Variants in PICALM observed in about 807,000 individuals in gnomAD.
PICALM encodes phosphatidylinositol binding clathrin assembly protein, also known as phosphatidylinositol-binding clathrin assembly protein.
PICALM carries 40 observed loss-of-function variants against 80.5 expected under a neutral mutation model. The ratio of observed to expected loss-of-function variants is 0.50; its 90% CI spans 0.39 to 0.65. The LOEUF is 0.65. Among genes scored for constraint, PICALM ranks in the 30% least tolerant of loss-of-function variants. The pLI is 0.00. For missense variants in PICALM, 676 were observed against 778.9 expected (o/e 0.87, Z 1.57); for synonymous variants, 288 against 260.3 (o/e 1.11, Z -1.02).
intron 11 of PICALM, among the ~76,000 whole-genome samples, chr11:85,997,618 G>A (rs190267562): frequency 1.9e-4 from 29 of 152,010 alleles, no homozygotes; most frequent in Admixed American, 5.2e-4. Context: ...CTACAGGTGC[G>A]CAGCACCGCA....
rs142220950 is a variant in PICALM, at chr11:85,970,804, C to A, written c.1944+3904G>T. Among the ~76,000 whole-genome samples, 131 of 152,236 alleles carry A rather than the reference C, an allele frequency of 8.6e-4. 2 individuals carry two copies. Among genetic ancestry groups the A allele is most frequent in the African/African-American group, 3.0e-3 (123 of 41,542 alleles). ...GGGGACAGAGTGAGACTCCATTACC[C>A]ACACACAAAAAAGATTCACCTCCCT... is the stretch of plus-strand genomic sequence containing the variant. On this transcript the variant is annotated intron_variant, in intron 19 of 19. Coordinates refer to ENST00000393346, the MANE Select transcript of PICALM (RefSeq NM_007166.4).
At chr11:85,966,130 T>C (rs1369277390) in intron 19 of PICALM, among the ~76,000 whole-genome samples, 1 of 151,962 alleles carries the variant, frequency 6.6e-6, no homozygotes, top group Non-Finnish European at 1.5e-5. Flanking sequence ...GCATTACGCA[T>C]TTTGTTTTAG....
chr11:86,038,007 G>A (rs910878617), intron 1 of PICALM, among the ~76,000 whole-genome samples: 1 of 152,192 alleles, frequency 6.6e-6, no homozygotes, highest in Non-Finnish European at 1.5e-5. Context: ...AAGGATGTGA[G>A]GAAGAGGTGG....
Position 86,001,101 on chromosome 11 carries a change from G to A in PICALM, c.951C>T (p.Thr317=), listed in dbSNP as rs780604765. The part of the protein sequence containing the change: ...SSLASTGLSL[T]KVDEREKQAA... ...CCTGCTTTTCCCTTTCATCCACTTT[G>A]GTCAGAGATAGACCAGTGCTTGCCA... Residue 317 remains threonine, a synonymous_variant, in exon 10 of 20, where the codon ACC becomes ACT. Transcript: ENST00000393346. The A allele has an allele frequency of 3.1e-6, 5 of 1,613,996 alleles. No homozygotes were observed. Among genetic ancestry groups the A allele is most frequent in the Non-Finnish European group, 2.5e-6 (3 of 1,179,906 alleles).
intron 1 of PICALM, among the ~76,000 whole-genome samples, chr11:86,052,775 TAA>T (rs2096210736): frequency 6.6e-6 from 1 of 152,166 alleles, no homozygotes; most frequent in African/African-American, 2.4e-5. Context: ...GTCATATAAT[TAA>T]AAGTCATACT....
intron 18 of PICALM, 137 bp downstream of exon 18, chr11:85,976,486 C>T: frequency 1.7e-6 from 1 of 575,970 alleles, no homozygotes; most frequent in Non-Finnish European, 3.2e-6. Flanking sequence ...GAAACCAATG[C>T]TATGGTTCTA....
intron 1 of PICALM, among the ~76,000 whole-genome samples, chr11:86,067,768 C>T (rs1593596031): frequency 9.6e-6 from 1 of 104,020 alleles, no homozygotes; most frequent in South Asian, 3.5e-4. Flanking sequence ...TTAACAGTTC[C>T]AGGAACTGAT....
intron 1 of PICALM, among the ~76,000 whole-genome samples, chr11:86,038,254 A>G (rs1318759601): frequency 1.3e-5 from 2 of 152,028 alleles, no homozygotes; most frequent in Non-Finnish European, 2.9e-5. Context: ...CAGGAGGCGG[A>G]GGTAAAAGGA....
At chr11:86,013,486 AACAC>A (rs377407936) in intron 5 of PICALM, among the ~76,000 whole-genome samples, 3 of 151,538 alleles carry the variant, frequency 2.0e-5, no homozygotes, top group Non-Finnish European at 4.4e-5. Flanking sequence ...TACAAATAGA[AACAC>A]ACACACACAC....
intron 1 of PICALM, among the ~76,000 whole-genome samples, chr11:86,052,516 T>G (rs2096206619): frequency 6.6e-6 from 1 of 152,238 alleles, no homozygotes; most frequent in Non-Finnish European, 1.5e-5. Context: ...TCTTCAATGA[T>G]TCCTGTGCAA....
intron 19 of PICALM, among the ~76,000 whole-genome samples, chr11:85,964,204 A>C (rs976891264): frequency 3.7e-4 from 57 of 152,172 alleles, no homozygotes; most frequent in Non-Finnish European, 2.4e-4. Context: ...GATATTTAGG[A>C]AAAAACTTGT....
intron 1 of PICALM, among the ~76,000 whole-genome samples, chr11:86,055,027 T>G (rs1004763134): frequency 6.6e-6 from 1 of 152,146 alleles, no homozygotes; most frequent in East Asian, 1.9e-4. Flanking sequence ...GGCAAAAATC[T>G]ACCTTTAAAA....
intron 8 of PICALM, among the ~76,000 whole-genome samples, chr11:86,006,501 G>T (rs1195250323): frequency 6.6e-6 from 1 of 152,122 alleles, no homozygotes; most frequent in Non-Finnish European, 1.5e-5. Flanking sequence ...ACGAAAATTA[G>T]CTGGGCGTGG....
intron 13 of PICALM, among the ~76,000 whole-genome samples, chr11:85,984,994 A>G (rs888299145): frequency 6.6e-6 from 1 of 152,202 alleles, no homozygotes; most frequent in African/African-American, 2.4e-5. Flanking sequence ...GAATGTCATA[A>G]GGCTCCTAAG....
rs189970047 is a variant in PICALM at position 85,992,063 on chromosome 11, T to C, written c.1259-1664A>G. Reference sequence around the variant, plus strand: ...GATGCTATGATACCAACGCTAGTCTTGAACACCTGCCTGGACTCAAGCAAT... The same window carrying C: ...GATGCTATGATACCAACGCTAGTCTCGAACACCTGCCTGGACTCAAGCAAT... On this transcript the variant is annotated intron_variant, in intron 12 of 19. Coordinates refer to ENST00000393346, the MANE Select transcript of PICALM (RefSeq NM_007166.4). Among the ~76,000 whole-genome samples, 65 of 152,226 alleles carry C rather than the reference T, an allele frequency of 4.3e-4. No individual in the cohort carries two copies. The Middle Eastern group carries it at 0.014, about 32-fold the overall frequency.
chr11:85,997,830 T>C (rs1191162401), intron 11 of PICALM, among the ~76,000 whole-genome samples: 1 of 152,108 alleles, frequency 6.6e-6, no homozygotes, highest in Non-Finnish European at 1.5e-5. Context: ...TTGTCCAGGC[T>C]GGAGTGCAGT....
rs368682557 is a variant in PICALM, at chr11:86,012,397, G to A, written c.547-5C>T. ...TGTAAGTTCATTGCTATTAACCTAG[G>A]GAAAAATTGGAAAATAAAATTAGCT... On this transcript the variant is annotated splice_region_variant and splice_polypyrimidine_tract_variant and intron_variant, in intron 5 of 19. Transcript: ENST00000393346. 560 of 1,478,376 alleles carry A rather than the reference G, an allele frequency of 3.8e-4. No homozygotes were observed. Among genetic ancestry groups the A allele is most frequent in the Non-Finnish European group, 4.9e-4 (522 of 1,063,540 alleles). 91.6% of individuals were successfully genotyped at this position (1,478,376 alleles called of 1,614,324 possible).
At position 86,037,259 on chromosome 11, in the gene PICALM, A is replaced by T. The variant is rs868294837; in HGVS notation, c.131-5648T>A. On this transcript the variant is annotated intron_variant, in intron 1 of 19. Coordinates refer to ENST00000393346, the MANE Select transcript of PICALM (RefSeq NM_007166.4). ...CACACCCAGCCAAAAAAAAAAGAAAATTTTTTTTTTTTTTTTTTGAGACGG... is the reference window on the plus strand; with the variant it reads ...CACACCCAGCCAAAAAAAAAAGAAATTTTTTTTTTTTTTTTTTTGAGACGG... 1.5e-3 allele frequency among the ~76,000 whole-genome samples: 154 copies of T among 106,030 alleles called. 8 individuals are homozygous for T. The highest frequency in any genetic ancestry group is 4.3e-3 in the African/African-American group (107 of 24,956). The allele number at this position is 106,030 out of a possible 152,430, so 69.6% of individuals were successfully genotyped here.
intron 1 of PICALM, among the ~76,000 whole-genome samples, chr11:86,052,980 T>C (rs547744049): frequency 3.9e-5 from 6 of 152,344 alleles, no homozygotes; most frequent in South Asian, 2.1e-4. Context: ...TAATAACTTA[T>C]CATTTAAGGT....
Sources: gnomAD v4.1 joint callset for allele counts (sites outside exome capture counted in the v4.1 genomes callset) on GRCh38, gnomAD v4.1.1 for gene constraint, MANE v1.5 for transcripts, NCBI Gene and HGNC (gene_info 2026-07-23, HGNC 2026-07-21) for gene names.